The following PREX2 variants were observed in gnomAD, a reference collection of about 807,000 sequenced individuals.
PREX2 encodes phosphatidylinositol 3,4,5-trisphosphate-dependent Rac exchanger 2 protein.
A neutral mutation model predicts 203.2 loss-of-function variants in PREX2; 107 were observed. The observed-to-expected ratio is 0.53, with a 90% CI of 0.45 to 0.62. The LOEUF is 0.62. Among genes scored for constraint, PREX2 ranks in the 20% least tolerant of loss-of-function variants. The probability of loss-of-function intolerance (pLI) is 0.00; values close to 1 mark genes in which losing one functional copy is unlikely to be tolerated. For synonymous variants in PREX2, 672 were observed against 663.6 expected, an observed-to-expected ratio of 1.01 and a Z score of -0.19; for missense variants, 1,777 against 1,955.9, an observed-to-expected ratio of 0.91 and a Z score of 1.72.
chr8:68,179,120 C>G (rs1234171531), intron 35 of PREX2, among the ~76,000 whole-genome samples: 2 of 152,006 alleles, frequency 1.3e-5, no homozygotes, highest in African/African-American at 2.4e-5. Flanking sequence ...ACTTGTTGCT[C>G]TAGTCTCTCC....
intron 6 of PREX2, among the ~76,000 whole-genome samples, chr8:68,037,055 G>A (rs78317905): frequency 0.015 from 2,295 of 152,262 alleles, 24 homozygotes; most frequent in Non-Finnish European, 0.025. Context: ...TTGAGTTGTC[G>A]TTGTAGGTGT....
chr8:67,968,343 T>C (rs1008274794), intron 1 of PREX2, among the ~76,000 whole-genome samples: 30 of 152,202 alleles, frequency 2.0e-4, no homozygotes, highest in African/African-American at 3.4e-4. Flanking sequence ...GCTCGGATTC[T>C]GGTGCTGACA....
chr8:67,960,035 T>TTTAATTAATTAA (rs145839477), intron 1 of PREX2, among the ~76,000 whole-genome samples: 1 of 150,482 alleles, frequency 6.6e-6, no homozygotes, highest in Non-Finnish European at 1.5e-5. Context: ...TTCTTTTCTT[T>TTTAATTAATTAA]TTAATTAATT....
chr8:68,224,847 C>A (rs1813027456), intron 39 of PREX2, among the ~76,000 whole-genome samples: 2 of 152,006 alleles, frequency 1.3e-5, no homozygotes, highest in African/African-American at 4.8e-5. Context: ...ATCATGAATT[C>A]AAAAAGAAAA....
intron 32 of PREX2, among the ~76,000 whole-genome samples, chr8:68,135,099 T>TTGTGTG (rs9298129): frequency 1.9e-3 from 279 of 148,894 alleles, no homozygotes; most frequent in East Asian, 8.5e-3. Flanking sequence ...AAAACAAATT[T>TTGTGTG]TGTGTGTGTG....
intron 18 of PREX2, among the ~76,000 whole-genome samples, chr8:68,087,426 C>T (rs1399309299): frequency 6.6e-6 from 1 of 152,100 alleles, no homozygotes; most frequent in African/African-American, 2.4e-5. Context: ...ACTTGGGAGG[C>T]TGAGATGTGA....
At position 68,132,283 on chromosome 8, in the gene PREX2, T is replaced by C. The variant is rs185906498; in HGVS notation, c.3767-1776T>C. 1.4e-3 allele frequency among the ~76,000 whole-genome samples: 217 copies of C among 152,122 alleles called. 2 individuals are homozygous for C. Among genetic ancestry groups the C allele is most frequent in the African/African-American group, 4.8e-3 (198 of 41,518 alleles). On this transcript the variant is annotated intron_variant, in intron 31 of 39. Coordinates refer to ENST00000288368, the MANE Select transcript of PREX2 (RefSeq NM_024870.4). ...GGTGTTTAGTTTTTTTTCTTGAGGATTGGACAAAGTTCATTTCCAGTTTAG... is the reference window on the plus strand; with the variant it reads ...GGTGTTTAGTTTTTTTTCTTGAGGACTGGACAAAGTTCATTTCCAGTTTAG...
chr8:68,146,065 A>G (rs1208407460), intron 33 of PREX2, 144 bp from the exon 34 acceptor site: 11 of 584,034 alleles, frequency 1.9e-5, no homozygotes, highest in Non-Finnish European at 3.0e-5. Context: ...ATAGCACTGT[A>G]TGTCGAATCC....
intron 37 of PREX2, 196 bp downstream of exon 37, chr8:68,192,721 A>G: frequency 2.3e-6 from 1 of 443,624 alleles, no homozygotes; most frequent in Non-Finnish European, 4.0e-6. Flanking sequence ...CATGAAGGCA[A>G]TCCCACGTTT....
chr8:68,133,950 G>T, intron 31 of PREX2, 109 bp from the exon 32 acceptor site: 1 of 819,470 alleles, frequency 1.2e-6, no homozygotes, highest in Non-Finnish European at 2.0e-6. Flanking sequence ...TTTCACATGC[G>T]TGAGTTTAGT....
chr8:67,998,467 G>A (rs1165234169), intron 1 of PREX2, among the ~76,000 whole-genome samples: 1 of 152,146 alleles, frequency 6.6e-6, no homozygotes, highest in East Asian at 1.9e-4. Context: ...AATTTCATAT[G>A]CAGCCTCTAT....
intron 37 of PREX2, among the ~76,000 whole-genome samples, chr8:68,193,302 C>G (rs894028757): frequency 1.4e-4 from 21 of 152,096 alleles, no homozygotes; most frequent in African/African-American, 4.8e-4. Flanking sequence ...ATGAGACAGC[C>G]TCTTCTTCTA....
At chr8:67,990,248 A>G (rs1806557865) in intron 1 of PREX2, among the ~76,000 whole-genome samples, 1 of 152,052 alleles carries the variant, frequency 6.6e-6, no homozygotes, top group Non-Finnish European at 1.5e-5. Flanking sequence ...GGCCTCCCAA[A>G]GTGCTGAGAT....
intron 33 of PREX2, among the ~76,000 whole-genome samples, chr8:68,143,368 C>T (rs770020935): frequency 2.6e-4 from 39 of 152,106 alleles, no homozygotes; most frequent in Admixed American, 5.2e-4. Context: ...TATGATGTGC[C>T]TGCTACCCCT....
chr8:68,159,124 G>A (rs558128389), intron 35 of PREX2, among the ~76,000 whole-genome samples: 4 of 152,166 alleles, frequency 2.6e-5, no homozygotes, highest in African/African-American at 7.2e-5. Flanking sequence ...ATTAAATCCA[G>A]GTTCTTCTTT....
chr8:67,980,644 C>A (rs777269986), intron 1 of PREX2, among the ~76,000 whole-genome samples: 2 of 152,198 alleles, frequency 1.3e-5, no homozygotes, highest in Admixed American at 1.3e-4. Flanking sequence ...CCCCATGTGT[C>A]AAGGGTGGGA....
intron 4 of PREX2, 52 bp from the exon 5 acceptor site, chr8:68,027,170 C>T (rs570106079): frequency 5.4e-5 from 73 of 1,341,178 alleles, no homozygotes; most frequent in Non-Finnish European, 7.0e-5. Context: ...AAGAAAGTTT[C>T]ACAGCGTGAG....
intron 30 of PREX2, among the ~76,000 whole-genome samples, chr8:68,126,415 G>C (rs1810887883): frequency 3.3e-5 from 5 of 151,996 alleles, no homozygotes; most frequent in Admixed American, 3.3e-4. Flanking sequence ...TGAGTTAATT[G>C]AGACTCAAAG....
chr8:68,127,979 C>A (rs1222492287), intron 31 of PREX2, among the ~76,000 whole-genome samples: 1 of 151,508 alleles, frequency 6.6e-6, no homozygotes, highest in Admixed American at 6.6e-5. Flanking sequence ...TAGTGGCTGG[C>A]ATATAGATAT....
Sources: allele counts gnomAD v4.1 joint callset (sites outside exome capture counted in the v4.1 genomes callset), GRCh38; gene constraint gnomAD v4.1.1; transcripts MANE v1.5; gene names NCBI Gene and HGNC (gene_info 2026-07-23, HGNC 2026-07-21).